WFDC9: variants seen among roughly 807,000 people sequenced by gnomAD.
WFDC9 encodes WAP four-disulfide core domain 9.
In WFDC9, 9 loss-of-function variants were observed where a neutral mutation model predicts 9.5. That is an observed-to-expected ratio of 0.95 (90% confidence interval 0.57 to 1.65). WFDC9 has a LOEUF of 1.65. WFDC9 is among the 40% of genes most tolerant of loss of function. The pLI, the probability that WFDC9 is intolerant of heterozygous loss-of-function variation, is 0.00. For missense variants in WFDC9, 87 were observed against 106.7 expected, an observed-to-expected ratio of 0.82 and a Z score of 0.81; for synonymous variants, 33 against 32.3, an observed-to-expected ratio of 1.02 and a Z score of -0.07.
intron 2 of WFDC9, among the ~76,000 whole-genome samples, chr20:45,611,902 TG>T (rs1483834533): frequency 6.6e-6 from 1 of 152,154 alleles, no homozygotes; most frequent in Non-Finnish European, 1.5e-5. Flanking sequence ...TATTTGCTGA[TG>T]GGTATTTTAA....
intron 1 of WFDC9, among the ~76,000 whole-genome samples, chr20:45,623,779 A>G: frequency 6.6e-6 from 1 of 152,216 alleles, no homozygotes; most frequent in East Asian, 1.9e-4. Flanking sequence ...TGTGTTGGGA[A>G]CATTCAATAT....
In WFDC9 at chr20:45,608,055, C is replaced by A. The variant is rs1257502899; in HGVS notation, c.*55G>T. 15 of 1,605,400 alleles carry A rather than the reference C, an allele frequency of 9.3e-6. No homozygotes were observed. The highest frequency in any genetic ancestry group is 1.2e-5 in the Non-Finnish European group (14 of 1,173,220). On this transcript the variant is annotated 3_prime_UTR_variant, in exon 5 of 5. Transcript: ENST00000326000. ...TCCCAAGAAGGAAGTAGGCAGCACT[C>A]TTCTTAGACCAGATGGTCATCCTTC...
intron 1 of WFDC9, among the ~76,000 whole-genome samples, chr20:45,619,959 G>A (rs1237548576): frequency 1.3e-5 from 2 of 152,252 alleles, no homozygotes; most frequent in Admixed American, 1.3e-4. Flanking sequence ...CCAGGAGGCG[G>A]AGGTTGCAGT....
chr20:45,619,140 G>C (rs1168609638), intron 1 of WFDC9, among the ~76,000 whole-genome samples: 1 of 152,188 alleles, frequency 6.6e-6, no homozygotes, highest in Non-Finnish European at 1.5e-5. Flanking sequence ...GCCAAACCTA[G>C]AGTGATTGAA....
intron 2 of WFDC9, 139 bp from the exon 3 acceptor site, chr20:45,610,378 AG>A (rs1981834601): frequency 4.3e-6 from 2 of 468,136 alleles, no homozygotes; most frequent in Non-Finnish European, 7.6e-6. Context: ...TGACTTCCCC[AG>A]GTTTCTTCTC....
intron 3 of WFDC9, among the ~76,000 whole-genome samples, chr20:45,609,306 C>A (rs1047816859): frequency 1.3e-5 from 2 of 151,716 alleles, no homozygotes; most frequent in African/African-American, 4.8e-5. Flanking sequence ...CGGGTTCAAG[C>A]GATTCTCCTG....
At chr20:45,626,220 T>C (rs1982216250) in intron 1 of WFDC9, among the ~76,000 whole-genome samples, 1 of 152,190 alleles carries the variant, frequency 6.6e-6, no homozygotes, top group South Asian at 2.1e-4. Context: ...TTAGAAGTCT[T>C]GAAACCTGTT....
At chr20:45,610,298 T>C (rs1981832006) in intron 2 of WFDC9, 59 bp from the exon 3 acceptor site, 1 of 807,414 alleles carries the variant, frequency 1.2e-6, no homozygotes, top group Non-Finnish European at 2.0e-6. Flanking sequence ...GTAAAGTGCT[T>C]ATGACTATCA....
intron 1 of WFDC9, among the ~76,000 whole-genome samples, chr20:45,621,725 T>A (rs987451358): frequency 6.6e-6 from 1 of 152,208 alleles, no homozygotes; most frequent in Non-Finnish European, 1.5e-5. Context: ...ACTTCACACA[T>A]GTTGTCACAA....
chr20:45,608,542 A>G (rs1177606520), intron 4 of WFDC9, 121 bp downstream of exon 4: 2 of 1,249,400 alleles, frequency 1.6e-6, no homozygotes, highest in Admixed American at 4.6e-5. Flanking sequence ...ATAGGAGGAC[A>G]TTGTCTTTTG....
At chr20:45,608,899 G>A (rs1378455773) in intron 3 of WFDC9, 89 bp from the exon 4 acceptor site, 14 of 1,370,988 alleles carry the variant, frequency 1.0e-5, no homozygotes, top group Non-Finnish European at 1.3e-5. Context: ...TGAAACTTGA[G>A]CTCCAAGCCA....
chr20:45,622,668 A>G (rs1982127084), intron 1 of WFDC9, among the ~76,000 whole-genome samples: 1 of 152,230 alleles, frequency 6.6e-6, no homozygotes, highest in Non-Finnish European at 1.5e-5. Flanking sequence ...TTCTCTAAAG[A>G]AAGACAAGTT....
At chr20:45,622,701 C>G (rs76995892) in intron 1 of WFDC9, among the ~76,000 whole-genome samples, 1 of 152,066 alleles carries the variant, frequency 6.6e-6, no homozygotes, top group African/African-American at 2.4e-5. Context: ...CACAACATAG[C>G]CATCAAAATC....
At chr20:45,608,590 T>C in intron 4 of WFDC9, 73 bp downstream of exon 4, 2 of 1,520,524 alleles carry the variant, frequency 1.3e-6, no homozygotes, top group Non-Finnish European at 1.8e-6. Context: ...GTGGCTGCGG[T>C]CTTTTGAATA....
At chr20:45,630,650 C>G (rs1156719831) in intron 1 of WFDC9, among the ~76,000 whole-genome samples, 1 of 151,996 alleles carries the variant, frequency 6.6e-6, no homozygotes, top group Non-Finnish European at 1.5e-5. Context: ...GAAGCCCAGG[C>G]ATTGTGGTCT....
intron 1 of WFDC9, among the ~76,000 whole-genome samples, chr20:45,619,213 T>C (rs762934822): frequency 9.8e-5 from 15 of 152,334 alleles, no homozygotes; most frequent in Non-Finnish European, 1.6e-4. Context: ...ATGACGATCA[T>C]AGTCTTTTGC....
intron 1 of WFDC9, among the ~76,000 whole-genome samples, chr20:45,623,576 G>A (rs552670288): frequency 1.8e-4 from 28 of 151,410 alleles, no homozygotes; most frequent in African/African-American, 6.3e-4. Flanking sequence ...GCAGTGAGCC[G>A]AGATCATGCC....
At chr20:45,620,891 C>T (rs921204274) in intron 1 of WFDC9, among the ~76,000 whole-genome samples, 1 of 152,092 alleles carries the variant, frequency 6.6e-6, no homozygotes, top group African/African-American at 2.4e-5. Context: ...GGAAATTACA[C>T]ATTGTTGAAT....
At chr20:45,608,957 C>A in intron 3 of WFDC9, 147 bp from the exon 4 acceptor site, 1 of 898,360 alleles carries the variant, frequency 1.1e-6, no homozygotes, top group Non-Finnish European at 1.6e-6. Context: ...CAAATTATAA[C>A]CAGTGTCTTG....
Sources: allele counts gnomAD v4.1 joint callset (sites outside exome capture counted in the v4.1 genomes callset), GRCh38; gene constraint gnomAD v4.1.1; transcripts MANE v1.5; gene names NCBI Gene and HGNC (gene_info 2026-07-23, HGNC 2026-07-21).